EEF1A2: variants seen among roughly 807,000 people sequenced by gnomAD.
EEF1A2 encodes the protein eukaryotic translation elongation factor 1 alpha 2, also known as elongation factor 1-alpha 2.
EEF1A2 carries 5 observed loss-of-function variants against 39.3 expected under a neutral mutation model. That is an observed-to-expected ratio of 0.13 (90% confidence interval 0.07 to 0.27). The LOEUF is 0.27. Ranked by LOEUF, EEF1A2 falls within the 10% of genes least tolerant of loss-of-function variation. The pLI is 1.00. For synonymous variants in EEF1A2, 287 were observed against 293.7 expected (o/e 0.98, Z 0.23); for missense variants, 218 against 681.4 (o/e 0.32, Z 7.57).
At chr20:63,493,318 A>T in intron 4 of EEF1A2, 31 bp from the exon 5 acceptor site, 2 of 1,480,328 alleles carry the variant, frequency 1.4e-6, no homozygotes, top group Non-Finnish European at 1.8e-6. Context: ...CAATCCGTTA[A>T]GAGACATTGG....
Position 63,493,124 on chromosome 20 carries a change from C to T in EEF1A2, c.772+13G>A, listed in dbSNP as rs376455856. The T allele has an allele frequency of 6.6e-5, 102 of 1,545,840 alleles. No homozygotes were observed. In the African/African-American group the frequency reaches 1.2e-3, roughly 18 times the overall value. On this transcript the variant is annotated intron_variant, in intron 5 of 7. Coordinates refer to ENST00000217182, the MANE Select transcript of EEF1A2 (RefSeq NM_001958.5). The stretch of plus-strand genomic sequence containing the variant: ...TGGCCAGGCAGGAGCTCCAGCACAG[C>T]GCCCTTGCTCACCGCCAATCTTGTA...
At position 63,488,191 on chromosome 20, in the gene EEF1A2, G is replaced by A. The variant is rs1268223406; in HGVS notation, c.*107C>T. 1 of 735,070 alleles carries A rather than the reference G, an allele frequency of 1.4e-6. No homozygotes were observed. The highest frequency in any genetic ancestry group is 2.0e-5 in the African/African-American group (1 of 51,070). 45.5% of individuals were successfully genotyped at this position (735,070 alleles called of 1,614,324 possible). On this transcript the variant is annotated 3_prime_UTR_variant, in exon 8 of 8. Transcript: ENST00000217182. ...AGGTGCAGACATGCGCCTGGCGGGG[G>A]TGCGGGGCGCCGGACCGGCGCGCGG...
At position 63,495,886 on chromosome 20, in the gene EEF1A2, G is replaced by A; in HGVS notation, c.294C>T (p.Phe98=). Residue 98 remains phenylalanine, a synonymous_variant, in exon 3 of 8, where the codon TTC becomes TTT. Coordinates refer to ENST00000217182, the MANE Select transcript of EEF1A2 (RefSeq NM_001958.5). ...TIIDAPGHRD[F]IKNMITGTSQ... ...ATGTACCCGTGATCATGTTCTTGATGAAGTCGCGGTGGCCGGGGGCATCGA... is the reference window on the plus strand; with the variant it reads ...ATGTACCCGTGATCATGTTCTTGATAAAGTCGCGGTGGCCGGGGGCATCGA... The A allele has an allele frequency of 6.2e-7, 1 of 1,613,244 alleles. No homozygotes were observed. Among genetic ancestry groups the A allele is most frequent in the Non-Finnish European group, 8.5e-7 (1 of 1,179,884 alleles).
intron 2 of EEF1A2, 148 bp from the exon 3 acceptor site, chr20:63,496,183 C>G (rs1469208280): frequency 2.1e-6 from 2 of 962,238 alleles, no homozygotes; most frequent in Middle Eastern, 3.1e-4. Flanking sequence ...CCTGGGACGC[C>G]GGCCCCCTCC....
At chr20:63,496,126 G>C in intron 2 of EEF1A2, 91 bp from the exon 3 acceptor site, 2 of 1,457,068 alleles carry the variant, frequency 1.4e-6, no homozygotes. Context: ...GAGTGGCCGC[G>C]AGAGGCGGGA....
Position 63,497,796 on chromosome 20 carries a change from G to A in EEF1A2, c.-33C>T, listed in dbSNP as rs764730193. On this transcript the variant is annotated 5_prime_UTR_variant, in exon 2 of 8. Coordinates refer to ENST00000217182, the MANE Select transcript of EEF1A2 (RefSeq NM_001958.5). The surrounding 1 kb of genome is among the most constrained non-coding windows in gnomAD (Gnocchi z 7.3). ...GGAGTGTGAGGGGCTGGCGGGACCC[G>A]GGGTGCTCTGGCTCAGGGCGAGGGG... The A allele has an allele frequency of 6.2e-6, 10 of 1,600,886 alleles. No individual in the cohort carries two copies. Among genetic ancestry groups the A allele is most frequent in the Middle Eastern group, 1.8e-4 (1 of 5,688 alleles).
rs530123799 is a variant in EEF1A2, at chr20:63,491,385, C to T, written c.773-650G>A. 5.9e-5 allele frequency among the ~76,000 whole-genome samples: 9 copies of T among 152,350 alleles called. No individual in the cohort carries two copies. The East Asian group carries it at 1.2e-3, about 20-fold the overall frequency. The stretch of plus-strand genomic sequence containing the variant: ...CTGCCACATGGGGGTCTTGTCCCCC[C>T]CCAGGCTACTGGGTCTCCACCCTCA... On this transcript the variant is annotated intron_variant, in intron 5 of 7. Coordinates refer to ENST00000217182, the MANE Select transcript of EEF1A2 (RefSeq NM_001958.5).
rs1246010286 is a variant in EEF1A2, at chr20:63,498,921, C to T, written c.-72+137G>A. ...GGCCCAGCCCGGCCGACGCGGGGAC[C>T]CCCGGAAGCCGGACTCCGGGCGCGC... On this transcript the variant is annotated intron_variant, in intron 1 of 7. Coordinates refer to ENST00000217182, the MANE Select transcript of EEF1A2 (RefSeq NM_001958.5). This position sits in a 1 kb window ranked among gnomAD's most constrained non-coding sequence, Gnocchi z 4.1. The T allele has an allele frequency of 1.3e-5, 2 of 149,684 alleles. No homozygotes were observed. The highest frequency in any genetic ancestry group is 3.9e-4 in the East Asian group (2 of 5,128). 9.3% of individuals were successfully genotyped at this position (149,684 alleles called of 1,614,324 possible). A position where few individuals can be genotyped will look rare whatever the true frequency, so the allele number is the denominator to read the frequency against.
intron 3 of EEF1A2, 38 bp from the exon 4 acceptor site, chr20:63,495,139 G>C: frequency 6.3e-7 from 1 of 1,593,438 alleles, no homozygotes. Flanking sequence ...TGCCCCGCCT[G>C]CCTGGCAGGG....
rs1397831062 is a variant in EEF1A2, at chr20:63,497,686, G to A, written c.78C>T (p.His26=). Residue 26 remains histidine (H), a synonymous_variant, in exon 2 of 8, where the codon CAC becomes CAT. Transcript: ENST00000217182. The surrounding 1 kb of genome is among the most constrained non-coding windows in gnomAD (Gnocchi z 7.3). ...VDSGKSTTTG[H]LIYKCGGIDK... is the part of the protein sequence containing the mutation. The stretch of plus-strand genomic sequence containing the variant: ...CAATACCTCCGCATTTGTAGATGAG[G>A]TGGCCCGTGGTGGTGGACTTTCCGG... 2 of 1,613,146 alleles carry A rather than the reference G, an allele frequency of 1.2e-6. No individual in the cohort carries two copies. The highest frequency in any genetic ancestry group is 1.3e-5 in the African/African-American group (1 of 75,050).
At chr20:63,490,403 G>A (rs761090978) in intron 6 of EEF1A2, 76 bp downstream of exon 6, 321 of 1,532,700 alleles carry the variant, frequency 2.1e-4, no homozygotes, top group Non-Finnish European at 2.6e-4. Flanking sequence ...GCCACCTGCC[G>A]ACAGCAGCCT....
At chr20:63,495,251 C>T (rs963146740) in intron 3 of EEF1A2, 150 bp from the exon 4 acceptor site, 3 of 1,217,268 alleles carry the variant, frequency 2.5e-6, no homozygotes, top group Non-Finnish European at 3.3e-6. Context: ...CATGGGGGTC[C>T]CCACTTCAAG....
In EEF1A2 at chr20:63,497,999, G is replaced by C. The variant is rs2082426013; in HGVS notation, c.-71-165C>G. On this transcript the variant is annotated intron_variant, in intron 1 of 7. Transcript: ENST00000217182. This position sits in a 1 kb window ranked among gnomAD's most constrained non-coding sequence, Gnocchi z 7.3. ...CCCACCCACAGCTGGGCCTGGCCAG[G>C]GCAAGCAGAGGCTGTGCACTGCCCC... The C allele has an allele frequency of 2.0e-6, 1 of 509,552 alleles. No homozygotes were observed. The highest frequency in any genetic ancestry group is 3.5e-6 in the Non-Finnish European group (1 of 289,376). 31.6% of individuals were successfully genotyped at this position (509,552 alleles called of 1,614,324 possible). A position where few individuals can be genotyped will look rare whatever the true frequency, so the allele number is the denominator to read the frequency against.
chr20:63,494,787 G>A lies in EEF1A2; in HGVS notation c.621+18C>T, dbSNP rs555535397. On this transcript the variant is annotated intron_variant, in intron 4 of 7. Coordinates refer to ENST00000217182, the MANE Select transcript of EEF1A2 (RefSeq NM_001958.5). ...CCAGCCAGCTCCCGTGGCCCGCCCC[G>A]CCCTAGCCGCCACTCACGTTGGGGG... The A allele has an allele frequency of 1.7e-5, 28 of 1,601,824 alleles. No homozygotes were observed. The East Asian group carries it at 2.0e-4, about 12-fold the overall frequency.
In EEF1A2 at chr20:63,497,816, G is replaced by A. The variant is rs559034861; in HGVS notation, c.-53C>T. 9.5e-6 allele frequency: 15 copies of A among 1,584,126 alleles called. No homozygotes were observed. Among genetic ancestry groups the A allele is most frequent in the Admixed American group, 8.6e-5 (5 of 58,056 alleles). On this transcript the variant is annotated 5_prime_UTR_variant, in exon 2 of 8. Transcript: ENST00000217182. The surrounding 1 kb of genome is among the most constrained non-coding windows in gnomAD (Gnocchi z 7.3). ...GACCCGGGGTGCTCTGGCTCAGGGC[G>A]AGGGGGGCTGCAGTGATTCTGTGGG...
At chr20:63,491,006 A>T (rs2082376213) in intron 5 of EEF1A2, among the ~76,000 whole-genome samples, 1 of 152,244 alleles carries the variant, frequency 6.6e-6, no homozygotes, top group Non-Finnish European at 1.5e-5. Context: ...GAAAAGCCAC[A>T]GGGACAGAGA....
intron 6 of EEF1A2, 137 bp from the exon 7 acceptor site, chr20:63,489,289 C>T: frequency 1.2e-6 from 1 of 803,142 alleles, no homozygotes; most frequent in Non-Finnish European, 1.9e-6. Flanking sequence ...GGAGGGGGCT[C>T]AGGCTCTGAG....
Position 63,488,997 on chromosome 20 carries a change from C to T in EEF1A2, c.1185G>A (p.Lys395=), listed in dbSNP as rs1600902117. The change falls in exon 7 of 8, where the codon AAG becomes AAA. Residue 395 remains lysine, a synonymous_variant. Transcript: ENST00000217182. ...TCTCCACGATGGCCGCGTCTCCAGA[C>T]TTCAGGGACTTGGGGTTGTCCTCCA... The part of the protein sequence containing the change: ...KKLEDNPKSL[K]SGDAAIVEMV... 1 of 1,612,766 alleles carries T rather than the reference C, an allele frequency of 6.2e-7. No individual in the cohort carries two copies. Among genetic ancestry groups the T allele is most frequent in the Non-Finnish European group, 8.5e-7 (1 of 1,179,938 alleles).
At chr20:63,494,022 A>G (rs1017539596) in intron 4 of EEF1A2, among the ~76,000 whole-genome samples, 6 of 152,238 alleles carry the variant, frequency 3.9e-5, no homozygotes, top group African/African-American at 7.2e-5. Context: ...GCCTCGTGAG[A>G]TGGAGGCGGA....
Sources: gnomAD v4.1 joint callset for allele counts (sites outside exome capture counted in the v4.1 genomes callset) on GRCh38, gnomAD v4.1.1 for gene constraint, Gnocchi (gnomAD v3.1) non-coding constraint, MANE v1.5 for transcripts, NCBI Gene and HGNC (gene_info 2026-07-23, HGNC 2026-07-21) for gene names.